TBRG4: variants seen among roughly 807,000 people sequenced by gnomAD.
The protein encoded by TBRG4 is transforming growth factor beta regulator 4.
TBRG4 carries 43 observed loss-of-function variants against 65.6 expected under a neutral mutation model. That is an observed-to-expected ratio of 0.66 (90% CI 0.51 to 0.85). The LOEUF is 0.85. Among genes scored for constraint, TBRG4 ranks in the 40% least tolerant of loss-of-function variants. The probability of loss-of-function intolerance (pLI) is 0.00; values close to 1 mark genes in which losing one functional copy is unlikely to be tolerated. For synonymous variants in TBRG4, 366 were observed against 341.4 expected, an observed-to-expected ratio of 1.07 and a Z score of -0.79; for missense variants, 709 against 787.9, an observed-to-expected ratio of 0.90 and a Z score of 1.20.
intron 2 of TBRG4, chr7:45,106,922 A>G (rs561238730): frequency 1.3e-5 from 2 of 152,376 alleles, no homozygotes; most frequent in African/African-American, 4.8e-5. Flanking sequence ...CAACTGCTGC[A>G]ATAAGCAGGA....
At chr7:45,110,431 C>G (rs543839991) in intron 1 of TBRG4, among the ~76,000 whole-genome samples, 1 of 152,278 alleles carries the variant, frequency 6.6e-6, no homozygotes, top group Admixed American at 6.5e-5. Context: ...CTTTGGGAGG[C>G]TGAGGCGGGC....
At chr7:45,109,980 A>T (rs1280539603) in intron 1 of TBRG4, among the ~76,000 whole-genome samples, 1 of 151,804 alleles carries the variant, frequency 6.6e-6, no homozygotes, top group Non-Finnish European at 1.5e-5. Context: ...CAAAAAAAAA[A>T]AAAAAAAAAA....
At chr7:45,101,007 C>A (rs1784746084) in intron 10 of TBRG4, among the ~76,000 whole-genome samples, 1 of 152,268 alleles carries the variant, frequency 6.6e-6, no homozygotes, top group Non-Finnish European at 1.5e-5. Context: ...CCCTGCCCAC[C>A]TCTTAAGCTG....
chr7:45,101,387 A>T lies in TBRG4; in HGVS notation c.1680-15T>A, dbSNP rs770927316. On this transcript the variant is annotated splice_polypyrimidine_tract_variant and intron_variant, in intron 9 of 10. Coordinates refer to ENST00000258770, the MANE Select transcript of TBRG4 (RefSeq NM_004749.4). ...AGAACGCTAGCCTGGAAGGAAGAAGAGGTGGCTGACATGCTTCCACTCTCC... is the reference window on the plus strand; with the variant it reads ...AGAACGCTAGCCTGGAAGGAAGAAGTGGTGGCTGACATGCTTCCACTCTCC... 1.2e-6 allele frequency: 2 copies of T among 1,613,308 alleles called. No individual in the cohort carries two copies. Among genetic ancestry groups the T allele is most frequent in the Non-Finnish European group, 1.7e-6 (2 of 1,179,590 alleles).
At position 45,101,985 on chromosome 7, in the gene TBRG4, C is replaced by T. The variant is rs776174482; in HGVS notation, c.1407G>A (p.Ser469=). The T allele has an allele frequency of 2.0e-5, 32 of 1,580,984 alleles. No individual in the cohort carries two copies. In the East Asian group the frequency reaches 4.5e-4, roughly 22 times the overall value. Residue 469 remains serine, a synonymous_variant, in exon 8 of 11, where the codon TCG becomes TCA. Coordinates refer to ENST00000258770, the MANE Select transcript of TBRG4 (RefSeq NM_004749.4). The part of the protein sequence containing the change: ...ATALLEYPEY[S]GPLLPASAVA... ...CAGCCGAGGCAGGCAGAAGGGGACC[C>T]GAGTACTCGGGGTACTCCAGCAGGG...
At chr7:45,105,898 C>T in intron 2 of TBRG4, 134 bp from the exon 3 acceptor site, 1 of 1,139,312 alleles carries the variant, frequency 8.8e-7, no homozygotes, top group East Asian at 2.3e-5. Flanking sequence ...CAGTTCCCCA[C>T]TCCATTGTAA....
In TBRG4 at chr7:45,104,816, C is replaced by T. The variant is rs1784886142; in HGVS notation, c.736-107G>A. On this transcript the variant is annotated intron_variant, in intron 3 of 10. Transcript: ENST00000258770. ...ATCCAGTGCAGCCCCTGTGACAGCC[C>T]CTGTCAGACTGGGCCTGAGCTGACT... 3 of 1,501,744 alleles carry T rather than the reference C, an allele frequency of 2.0e-6. No individual in the cohort carries two copies. In the South Asian group the frequency reaches 3.6e-5, roughly 18 times the overall value. The allele number at this position is 1,501,744 out of a possible 1,614,324, so 93.0% of individuals were successfully genotyped here.
chr7:45,101,268 AG>A lies in TBRG4; in HGVS notation c.1783del (p.Leu595Ter). 4 of 1,613,238 alleles carry A rather than the reference AG, an allele frequency of 2.5e-6. No individual in the cohort carries two copies. The South Asian group carries it at 4.4e-5, about 18-fold the overall frequency. Reference sequence around the variant, plus strand: ...CCAAGAGGTACTCACGTCCACTATCAGGAAGCCTGCAGCCACTATGTGTCGC... The same window carrying A: ...CCAAGAGGTACTCACGTCCACTATCAGAAGCCTGCAGCCACTATGTGTCGC... Reference protein sequence around the residue: ...ARRHIVAAGFLIVDVPFYEWL... With the variant: ...ARRHIVAAGFXIVDVPFYEWL... On this transcript the variant is annotated frameshift_variant, in exon 10 of 11. Coordinates refer to ENST00000258770, the MANE Select transcript of TBRG4 (RefSeq NM_004749.4). LOFTEE classifies it high-confidence loss of function.
rs141539774 is a variant in TBRG4, at chr7:45,111,684, G to T, written c.-92C>A. 3.9e-6 allele frequency: 5 copies of T among 1,289,326 alleles called. No homozygotes were observed. The highest frequency in any genetic ancestry group is 5.1e-6 in the Non-Finnish European group (5 of 988,840). 79.9% of individuals were successfully genotyped at this position (1,289,326 alleles called of 1,614,324 possible). A position where few individuals can be genotyped will look rare whatever the true frequency, so the allele number is the denominator to read the frequency against. Reference sequence around the variant, plus strand: ...CTGACCTCCATCCGCCGCCCTAACTGTCCCCGGAACCATGAGGTGCGCGGC... The same window carrying T: ...CTGACCTCCATCCGCCGCCCTAACTTTCCCCGGAACCATGAGGTGCGCGGC... On this transcript the variant is annotated 5_prime_UTR_variant, in exon 1 of 11. Transcript: ENST00000258770.
rs190179117 is a variant in TBRG4 at position 45,104,806 on chromosome 7, T to C, written c.736-97A>G. 8,454 of 1,531,486 alleles carry C rather than the reference T, an allele frequency of 5.5e-3. 41 individuals are homozygous for C. Among genetic ancestry groups the C allele is most frequent in the Non-Finnish European group, 6.6e-3 (7,468 of 1,129,032 alleles). 94.9% of individuals were successfully genotyped at this position (1,531,486 alleles called of 1,614,324 possible). ...CCATGGTCCCATCCAGTGCAGCCCCTGTGACAGCCCCTGTCAGACTGGGCC... is the reference window on the plus strand; with the variant it reads ...CCATGGTCCCATCCAGTGCAGCCCCCGTGACAGCCCCTGTCAGACTGGGCC... On this transcript the variant is annotated intron_variant, in intron 3 of 10. Transcript: ENST00000258770.
In TBRG4 at chr7:45,111,691, G is replaced by A. The variant is rs1476268356; in HGVS notation, c.-99C>T. ...CCATCCGCCGCCCTAACTGTCCCCG[G>A]AACCATGAGGTGCGCGGCGCGCTTC... On this transcript the variant is annotated 5_prime_UTR_variant, in exon 1 of 11. Transcript: ENST00000258770. 7.8e-7 allele frequency: 1 copy of A among 1,289,226 alleles called. No individual in the cohort carries two copies. Among genetic ancestry groups the A allele is most frequent in the Non-Finnish European group, 1.0e-6 (1 of 988,844 alleles). 79.9% of individuals were successfully genotyped at this position (1,289,226 alleles called of 1,614,324 possible). A position where few individuals can be genotyped will look rare whatever the true frequency, so the allele number is the denominator to read the frequency against.
rs1179364361 is a variant in TBRG4 at position 45,103,354 on chromosome 7, T to C, written c.1155A>G (p.Gln385=). ...CTACCAGGCTGAAGAACTGATCCTC[T>C]TGGTCTGGATGGAAGTTCAGACGCG... is the stretch of plus-strand genomic sequence containing the variant. The part of the protein sequence containing the change: ...AFARLNFHPD[Q]EDQFFSLVHE... Residue 385 remains glutamine, a synonymous_variant, in exon 6 of 11, where the codon CAA becomes CAG. Coordinates refer to ENST00000258770, the MANE Select transcript of TBRG4 (RefSeq NM_004749.4). 2 of 1,613,614 alleles carry C rather than the reference T, an allele frequency of 1.2e-6. No homozygotes were observed. The highest frequency in any genetic ancestry group is 1.7e-6 in the Non-Finnish European group (2 of 1,179,750).
intron 2 of TBRG4, chr7:45,106,264 C>A: frequency 3.1e-6 from 1 of 322,926 alleles, no homozygotes; most frequent in East Asian, 7.7e-5. Flanking sequence ...AAGGGAAATT[C>A]TCCAAGTTTC....
chr7:45,102,946 A>C, intron 6 of TBRG4: 1 of 312,448 alleles, frequency 3.2e-6, no homozygotes, highest in Non-Finnish European at 6.1e-6. Context: ...ATGGAATCCC[A>C]GGGAGCCTGG....
chr7:45,100,949 C>T (rs917514157), intron 10 of TBRG4, among the ~76,000 whole-genome samples: 2 of 152,378 alleles, frequency 1.3e-5, no homozygotes, highest in East Asian at 3.9e-4. Context: ...GCCCCAACAG[C>T]TGTGCAGCCT....
In TBRG4 at chr7:45,102,377, G is replaced by A; in HGVS notation, c.1291C>T (p.Leu431Phe). 2 of 1,614,136 alleles carry A rather than the reference G, an allele frequency of 1.2e-6. No individual in the cohort carries two copies. Among genetic ancestry groups the A allele is most frequent in the Non-Finnish European group, 1.7e-6 (2 of 1,180,040 alleles). Residue 431 changes from leucine to phenylalanine, a missense_variant, in exon 7 of 11, where the codon CTC becomes TTC. Coordinates refer to ENST00000258770, the MANE Select transcript of TBRG4 (RefSeq NM_004749.4). ...QAREAELQAVLHPEFHIQFLG... is the reference protein window; with the variant it reads ...QAREAELQAVFHPEFHIQFLG... ...AATTGGATGTGAAATTCAGGGTGGA[G>A]GACGGCTTGCAGCTCTGCTTCCCGT...
At position 45,101,932 on chromosome 7, in the gene TBRG4, C is replaced by T. The variant is rs766145667; in HGVS notation, c.1460G>A (p.Arg487Lys). Reference sequence around the variant, plus strand: ...CTCCTTTTGCAGGGGGGTCACCTTCCTGTCAAGGGCTGAGGGCCCAGGGGC... The same window carrying T: ...CTCCTTTTGCAGGGGGGTCACCTTCTTGTCAAGGGCTGAGGGCCCAGGGGC... ...AVAPGPSALD[R>K]KVTPLQKELQ... The change falls in exon 8 of 11, where the codon AGG becomes AAG. Residue 487 changes from arginine to lysine, a missense_variant. Transcript: ENST00000258770. 1.2e-6 allele frequency: 2 copies of T among 1,608,850 alleles called. No homozygotes were observed. The highest frequency in any genetic ancestry group is 1.7e-6 in the Non-Finnish European group (2 of 1,177,912).
rs376786931 is a variant in TBRG4 at position 45,104,197 on chromosome 7, G to A, written c.967C>T (p.Leu323Phe). Residue 323 changes from leucine (L) to phenylalanine (F), a missense_variant, in exon 5 of 11, where the codon CTC becomes TTC. Transcript: ENST00000258770. ...TCACCAGAAGTCAGGCTGGGCATGA[G>A]GGATAGCAGGTCGGTGGCCAGGCGC... Reference protein sequence around the residue: ...SQRLATDLLSLMPSLTSGEVA... With the variant: ...SQRLATDLLSFMPSLTSGEVA... 6.2e-7 allele frequency: 1 copy of A among 1,614,038 alleles called. No individual in the cohort carries two copies. Among genetic ancestry groups the A allele is most frequent in the African/African-American group, 1.3e-5 (1 of 74,952 alleles).
chr7:45,101,351 C>G lies in TBRG4; in HGVS notation c.1701G>C (p.Glu567Asp), dbSNP rs757700602. ...TGCTTCGGCTGTTGAAGTTGGGGAA[C>G]TCCCACCGCAAGAACGCTAGCCTGG... Reference protein sequence around the residue: ...GSKRLAFLRWEFPNFNSRSKD... With the variant: ...GSKRLAFLRWDFPNFNSRSKD... The change falls in exon 10 of 11, where the codon GAG becomes GAC. Residue 567 changes from glutamate (E) to aspartate (D), a missense_variant. Glu to Asp is a conservative substitution (Grantham distance 45). Coordinates refer to ENST00000258770, the MANE Select transcript of TBRG4 (RefSeq NM_004749.4). 6.2e-7 allele frequency: 1 copy of G among 1,613,996 alleles called. No homozygotes were observed. Among genetic ancestry groups the G allele is most frequent in the South Asian group, 1.1e-5 (1 of 91,084 alleles).
Sources: allele counts gnomAD v4.1 joint callset (sites outside exome capture counted in the v4.1 genomes callset), GRCh38; gene constraint gnomAD v4.1.1; transcripts MANE v1.5; gene names NCBI Gene and HGNC (gene_info 2026-07-23, HGNC 2026-07-21).